Variants in GSE1 observed in about 807,000 individuals in gnomAD.
GSE1 encodes genetic suppressor element 1.
Under a neutral mutation model 112.6 loss-of-function variants are expected in GSE1, and 32 were observed. The ratio of observed to expected loss-of-function variants is 0.28; its 90% confidence interval spans 0.21 to 0.38. The LOEUF is 0.38. Among genes scored for constraint, GSE1 ranks in the 10% least tolerant of loss-of-function variants. The probability of loss-of-function intolerance (pLI) is 1.00; values close to 1 mark genes in which losing one functional copy is unlikely to be tolerated. For synonymous variants in GSE1, 1,115 were observed against 735.6 expected (o/e 1.52, Z -8.35); for missense variants, 2,348 against 1,699.2 (o/e 1.38, Z -6.71).
At chr16:85,345,967 T>C (rs2046725395) in intron 1 of GSE1, among the ~76,000 whole-genome samples, 1 of 151,210 alleles carries the variant, frequency 6.6e-6, no homozygotes, top group Non-Finnish European at 1.5e-5. Flanking sequence ...GACACGTCAA[T>C]GAATGGACAG....
intron 8 of GSE1, among the ~76,000 whole-genome samples, chr16:85,659,975 C>G (rs1250756948): frequency 6.6e-6 from 1 of 152,190 alleles, no homozygotes; most frequent in African/African-American, 2.4e-5. Flanking sequence ...CTGGGAGGAT[C>G]TTCATTTCAC....
At chr16:85,303,456 C>T (rs1301248655) in intron 1 of GSE1, among the ~76,000 whole-genome samples, 1 of 152,234 alleles carries the variant, frequency 6.6e-6, no homozygotes, top group East Asian at 1.9e-4. Flanking sequence ...CCCTCCTAGC[C>T]ACCAGAGGGC....
At chr16:85,218,430 T>C in intron 1 of GSE1, among the ~76,000 whole-genome samples, 1 of 152,224 alleles carries the variant, frequency 6.6e-6, no homozygotes, top group Non-Finnish European at 1.5e-5. Context: ...ATTAAACCCC[T>C]TCATTGAGTG....
intron 1 of GSE1, among the ~76,000 whole-genome samples, chr16:85,630,501 TAC>T (rs1226043655): frequency 6.6e-6 from 1 of 152,152 alleles, no homozygotes; most frequent in Non-Finnish European, 1.5e-5. Context: ...CAGGGTAATT[TAC>T]AGAGACAGCG....
upstream of GSE1, chr16:85,555,122 C>T: frequency 2.0e-6 from 2 of 985,216 alleles, no homozygotes; most frequent in Non-Finnish European, 2.4e-6. Context: ...CCGCCGCCGC[C>T]TTCAGCCGCC....
At chr16:85,607,996 C>T (rs1216003714), upstream of GSE1, among the ~76,000 whole-genome samples, 1 of 151,364 alleles carries the variant, frequency 6.6e-6, no homozygotes, top group African/African-American at 2.5e-5. Flanking sequence ...CTGTATTCCT[C>T]CCCCCCATGA....
At position 85,545,902 on chromosome 16, in the gene GSE1, C is replaced by G. The variant is rs969661986; in HGVS notation, c.2465-88012C>G. Reference sequence around the variant, plus strand: ...GGTTCACGCCATTCTTCTGTCTCAGCCTCCCGAGTAGCTGGGACTACAGGC... The same window carrying G: ...GGTTCACGCCATTCTTCTGTCTCAGGCTCCCGAGTAGCTGGGACTACAGGC... On this transcript the variant is annotated intron_variant, in intron 2 of 2. Transcript: ENST00000637419. Among the ~76,000 whole-genome samples the G allele has an allele frequency of 2.0e-5, 3 of 151,936 alleles. No homozygotes were observed. The South Asian group carries it at 6.2e-4, about 32-fold the overall frequency.
chr16:85,564,361 G>A (rs2045649147), intron 1 of GSE1, among the ~76,000 whole-genome samples: 1 of 152,204 alleles, frequency 6.6e-6, no homozygotes, highest in Admixed American at 6.5e-5. Flanking sequence ...TGGGCATGGG[G>A]CCATCCCTGC....
intron 1 of GSE1, among the ~76,000 whole-genome samples, chr16:85,301,122 C>T (rs957228988): frequency 1.3e-5 from 2 of 152,206 alleles, no homozygotes; most frequent in East Asian, 3.9e-4. Flanking sequence ...CCTGGTGGGG[C>T]GCTCCCTCTC....
chr16:85,634,628 C>G (rs11643518), intron 2 of GSE1, among the ~76,000 whole-genome samples: 33,686 of 151,982 alleles, frequency 0.22, 4,107 homozygotes, highest in Middle Eastern at 0.34. Context: ...TGCTCAACTC[C>G]CTGAGGCAGA....
At chr16:85,268,712 C>T (rs1346325547) in intron 1 of GSE1, among the ~76,000 whole-genome samples, 1 of 152,204 alleles carries the variant, frequency 6.6e-6, no homozygotes, top group African/African-American at 2.4e-5. Context: ...AGCACAGCCT[C>T]AGCAGGAGGG....
chr16:85,586,698 C>T (rs1033544845), intron 1 of GSE1, among the ~76,000 whole-genome samples: 6 of 152,194 alleles, frequency 3.9e-5, no homozygotes, highest in Non-Finnish European at 7.4e-5. Flanking sequence ...CCCCTCCCAC[C>T]TCTGAGAGCA....
chr16:85,601,189 C>T (rs959320837), intron 1 of GSE1, among the ~76,000 whole-genome samples: 3 of 151,750 alleles, frequency 2.0e-5, no homozygotes, highest in Non-Finnish European at 4.4e-5. Flanking sequence ...CGCTTCCAGA[C>T]GCCCCTAGTG....
chr16:85,556,743 T>C (rs1462260619), intron 1 of GSE1, among the ~76,000 whole-genome samples: 2 of 114,760 alleles, frequency 1.7e-5, no homozygotes, highest in African/African-American at 3.6e-5. Context: ...CCCGATCGGG[T>C]AGCATGCCCC....
intron 2 of GSE1, among the ~76,000 whole-genome samples, chr16:85,531,198 GT>G (rs769694740): frequency 2.0e-5 from 3 of 152,254 alleles, no homozygotes; most frequent in Non-Finnish European, 2.9e-5. Flanking sequence ...AATAGAGAGT[GT>G]GTCCTTTAGC....
At chr16:85,514,239 T>C (rs1037948348) in intron 2 of GSE1, among the ~76,000 whole-genome samples, 50 of 149,316 alleles carry the variant, frequency 3.3e-4, no homozygotes, top group African/African-American at 1.2e-3. Context: ...GGTTTCTCTC[T>C]TCCCCTCTCC....
At chr16:85,488,211 C>G (rs1567529765) in intron 2 of GSE1, among the ~76,000 whole-genome samples, 1 of 152,206 alleles carries the variant, frequency 6.6e-6, no homozygotes, top group African/African-American at 2.4e-5. Flanking sequence ...GCCTCATCTT[C>G]TTCTTGGTCC....
Position 85,654,291 on chromosome 16 carries a change from G to C in GSE1, c.440G>C (p.Arg147Thr). 1 of 1,601,892 alleles carries C rather than the reference G, an allele frequency of 6.2e-7. No individual in the cohort carries two copies. Among genetic ancestry groups the C allele is most frequent in the Non-Finnish European group, 8.5e-7 (1 of 1,175,354 alleles). The change falls in exon 4 of 16, where the codon AGG (arginine) becomes ACG (threonine). Residue 147 changes from arginine (R) to threonine (T), a missense_variant. Arg to Thr is a moderately conservative substitution (Grantham distance 71). Transcript: ENST00000253458. Reference sequence around the variant, plus strand: ...CTCCTCCCGCAGGATGCCGGCTCCAGGAGCAGCAGTGGAGGTCGGGAACGC... The same window carrying C: ...CTCCTCCCGCAGGATGCCGGCTCCACGAGCAGCAGTGGAGGTCGGGAACGC... The part of the protein sequence containing the change: ...RSESRQDAGS[R>T]SSSGGRERLI...
intron 1 of GSE1, among the ~76,000 whole-genome samples, chr16:85,577,647 C>G (rs1316372734): frequency 6.6e-6 from 1 of 152,064 alleles, no homozygotes; most frequent in African/African-American, 2.4e-5. Context: ...GAGTGTGGCA[C>G]AGAGGTCGAG....
Sources: allele counts gnomAD v4.1 joint callset (sites outside exome capture counted in the v4.1 genomes callset), GRCh38; gene constraint gnomAD v4.1.1; transcripts MANE v1.5; gene names NCBI Gene and HGNC (gene_info 2026-07-23, HGNC 2026-07-21).